Variants in SLC7A5 observed in about 807,000 individuals in gnomAD.
SLC7A5 encodes the protein solute carrier family 7 member 5.
In SLC7A5, 23 loss-of-function variants were observed where a neutral mutation model predicts 50.2. The ratio of observed to expected loss-of-function variants is 0.46; its 90% CI spans 0.33 to 0.65. The LOEUF (loss-of-function observed/expected upper bound fraction) is 0.65. Among genes scored for constraint, SLC7A5 ranks in the 30% least tolerant of loss-of-function variants. The pLI, the probability that SLC7A5 is intolerant of heterozygous loss-of-function variation, is 0.02. For synonymous variants in SLC7A5, 393 were observed against 330.6 expected, an observed-to-expected ratio of 1.19 and a Z score of -2.05; for missense variants, 578 against 684.4, an observed-to-expected ratio of 0.84 and a Z score of 1.73.
chr16:87,837,597 G>C, intron 7 of SLC7A5: 1 of 511,622 alleles, frequency 2.0e-6, no homozygotes, highest in African/African-American at 1.9e-5. Flanking sequence ...AGCACCCCGG[G>C]TCAGCTTCTG....
intron 7 of SLC7A5, 95 bp from the exon 8 acceptor site, chr16:87,836,742 C>A (rs2055009302): frequency 1.5e-6 from 2 of 1,328,176 alleles, no homozygotes; most frequent in African/African-American, 2.9e-5. Flanking sequence ...CCTGGCTGGG[C>A]CCAGCTGAGC....
Position 87,830,869 on chromosome 16 carries a change from G to C in SLC7A5, c.*2101C>G, listed in dbSNP as rs1060266. ...CCCTGTATCCTTGAGGCATGTCCAC[G>C]TCCCAGAGCAGGAGGTTGGAACAGA... is the stretch of plus-strand genomic sequence containing the variant. On this transcript the variant is annotated 3_prime_UTR_variant, in exon 10 of 10. Coordinates refer to ENST00000261622, the MANE Select transcript of SLC7A5 (RefSeq NM_003486.7). 49,418 of 152,188 alleles carry C rather than the reference G, an allele frequency of 0.32. 8,336 individuals are homozygous for C. Among genetic ancestry groups the C allele is most frequent in the East Asian group, 0.51 (2,631 of 5,180 alleles). The allele number at this position is 152,188 out of a possible 1,614,324, so 9.4% of individuals were successfully genotyped here.
intron 3 of SLC7A5, 58 bp downstream of exon 3, chr16:87,840,992 G>A (rs2055076254): frequency 1.6e-6 from 2 of 1,215,584 alleles, no homozygotes; most frequent in African/African-American, 1.5e-5. Flanking sequence ...TGGGATTCCT[G>A]GACACGTCAG....
rs576957313 is a variant in SLC7A5, at chr16:87,860,920, C to G, written c.538+7965G>C. 9.2e-4 allele frequency among the ~76,000 whole-genome samples: 140 copies of G among 152,310 alleles called. No individual in the cohort carries two copies. The highest frequency in any genetic ancestry group is 3.4e-3 in the Middle Eastern group (1 of 294). On this transcript the variant is annotated intron_variant, in intron 1 of 9. Coordinates refer to ENST00000261622, the MANE Select transcript of SLC7A5 (RefSeq NM_003486.7). This position sits in a 1 kb window ranked among gnomAD's most constrained non-coding sequence, Gnocchi z 4.8. ...TGCAGGGAGAGACGCCTCCCACACT[C>G]CCGGAGGCACGCACGTGCTGTGGCC...
In SLC7A5 at chr16:87,833,135, C is replaced by T. The variant is rs1255088424; in HGVS notation, c.1469-110G>A. On this transcript the variant is annotated intron_variant, in intron 9 of 9. Transcript: ENST00000261622. The surrounding 1 kb of genome is among the most constrained non-coding windows in gnomAD (Gnocchi z 6.0). ...GCCCTGCTGTCACCAAACCCAGCGC[C>T]GCTGCCCAGCGCTGGGATTTTAAGG... is the stretch of plus-strand genomic sequence containing the variant. 8.1e-6 allele frequency: 7 copies of T among 864,078 alleles called. No individual in the cohort carries two copies. Among genetic ancestry groups the T allele is most frequent in the South Asian group, 2.6e-5 (2 of 75,484 alleles). The allele number at this position is 864,078 out of a possible 1,614,324, so 53.5% of individuals were successfully genotyped here.
At position 87,852,386 on chromosome 16, in the gene SLC7A5, C is replaced by G. The variant is rs1240807146; in HGVS notation, c.539-537G>C. Among the ~76,000 whole-genome samples the G allele has an allele frequency of 1.3e-5, 2 of 152,188 alleles. No individual in the cohort carries two copies. The highest frequency in any genetic ancestry group is 6.5e-5 in the Admixed American group (1 of 15,280). On this transcript the variant is annotated intron_variant, in intron 1 of 9. Coordinates refer to ENST00000261622, the MANE Select transcript of SLC7A5 (RefSeq NM_003486.7). The surrounding 1 kb of genome is among the most constrained non-coding windows in gnomAD (Gnocchi z 4.5). ...TTCCCGGAACTACCTGGCCAGTCACCTGGGGACGGCAGCCTGGGAGGGGCC... is the reference window on the plus strand; with the variant it reads ...TTCCCGGAACTACCTGGCCAGTCACGTGGGGACGGCAGCCTGGGAGGGGCC...
At chr16:87,858,263 G>A (rs559529270) in intron 1 of SLC7A5, among the ~76,000 whole-genome samples, 4 of 152,110 alleles carry the variant, frequency 2.6e-5, no homozygotes, top group Non-Finnish European at 4.4e-5. Context: ...GAAATACCTC[G>A]CGGACGTGTC....
rs141945588 is a variant in SLC7A5, at chr16:87,833,940, G to C, written c.1468+474C>G. Among the ~76,000 whole-genome samples, 1 of 150,812 alleles carries C rather than the reference G, an allele frequency of 6.6e-6. No homozygotes were observed. The highest frequency in any genetic ancestry group is 1.5e-5 in the Non-Finnish European group (1 of 67,838). On this transcript the variant is annotated intron_variant, in intron 9 of 9. Coordinates refer to ENST00000261622, the MANE Select transcript of SLC7A5 (RefSeq NM_003486.7). This position sits in a 1 kb window ranked among gnomAD's most constrained non-coding sequence, Gnocchi z 6.0. ...GCGATCTCGGCTCACTGCAACCTCC[G>C]TCTCCCGGGTTCAAGTGATTCTCCT...
chr16:87,838,544 C>T (rs553980872), intron 6 of SLC7A5, among the ~76,000 whole-genome samples, 170 bp downstream of exon 6: 54 of 152,324 alleles, frequency 3.5e-4, no homozygotes, highest in African/African-American at 1.3e-3. Flanking sequence ...CTGCTCACCT[C>T]GGCCTCCTAA....
intron 1 of SLC7A5, among the ~76,000 whole-genome samples, chr16:87,856,849 G>T (rs4843721): frequency 0.15 from 23,455 of 152,124 alleles, 2,676 homozygotes; most frequent in African/African-American, 0.32. Context: ...AAGCAGTGGT[G>T]GGGGAGGCGG....
chr16:87,837,819 G>A (rs774670259), intron 7 of SLC7A5, 26 bp downstream of exon 7: 2 of 1,573,460 alleles, frequency 1.3e-6, no homozygotes, highest in Middle Eastern at 1.7e-4. Flanking sequence ...AGGGATGTAG[G>A]GCACAGGGCC....
At chr16:87,849,806 T>C (rs1293432237) in intron 2 of SLC7A5, among the ~76,000 whole-genome samples, 1 of 152,034 alleles carries the variant, frequency 6.6e-6, no homozygotes, top group African/African-American at 2.4e-5. Context: ...GTGGCTCTGG[T>C]ACCCCGGGCG....
chr16:87,865,479 C>T (rs1427934222), intron 1 of SLC7A5, among the ~76,000 whole-genome samples: 5 of 152,018 alleles, frequency 3.3e-5, no homozygotes, highest in African/African-American at 4.8e-5. Context: ...GAGGCAGAGG[C>T]GGGTGGATCA....
rs5818649 is a variant in SLC7A5 at position 87,833,857 on chromosome 16, C to CTT, written c.1468+555_1468+556dup. Among the ~76,000 whole-genome samples the CTT allele has an allele frequency of 9.9e-5, 14 of 141,588 alleles. No individual in the cohort carries two copies. Among genetic ancestry groups the CTT allele is most frequent in the Admixed American group, 2.1e-4 (3 of 14,328 alleles). 92.9% of individuals were successfully genotyped at this position (141,588 alleles called of 152,430 possible). A position where few individuals can be genotyped will look rare whatever the true frequency, so the allele number is the denominator to read the frequency against. ...CCGGGGGGCGGGTTTCTCCTTCTGCCTTTTTTTTTTTTTTTGAGAAGAGTC... is the reference window on the plus strand; with the variant it reads ...CCGGGGGGCGGGTTTCTCCTTCTGCCTTTTTTTTTTTTTTTTTGAGAAGAGTC... On this transcript the variant is annotated intron_variant, in intron 9 of 9. Coordinates refer to ENST00000261622, the MANE Select transcript of SLC7A5 (RefSeq NM_003486.7). This position sits in a 1 kb window ranked among gnomAD's most constrained non-coding sequence, Gnocchi z 6.0.
At position 87,843,214 on chromosome 16, in the gene SLC7A5, A is replaced by G. The variant is rs376394794; in HGVS notation, c.665-2059T>C. 2.9e-4 allele frequency among the ~76,000 whole-genome samples: 44 copies of G among 152,264 alleles called. No homozygotes were observed. The East Asian group carries it at 5.4e-3, about 19-fold the overall frequency. ...ACATCAATCCTCATAGCTGACCTCCAGCCTCATGACAGAAAGGCGGCTGAT... is the reference window on the plus strand; with the variant it reads ...ACATCAATCCTCATAGCTGACCTCCGGCCTCATGACAGAAAGGCGGCTGAT... On this transcript the variant is annotated intron_variant, in intron 2 of 9. Transcript: ENST00000261622.
At position 87,841,204 on chromosome 16, in the gene SLC7A5, G is replaced by A; in HGVS notation, c.665-49C>T. The A allele has an allele frequency of 2.4e-6, 3 of 1,225,736 alleles. No homozygotes were observed. The highest frequency in any genetic ancestry group is 2.3e-5 in the East Asian group (1 of 42,992). The allele number at this position is 1,225,736 out of a possible 1,614,324, so 75.9% of individuals were successfully genotyped here. A position where few individuals can be genotyped will look rare whatever the true frequency, so the allele number is the denominator to read the frequency against. On this transcript the variant is annotated intron_variant, in intron 2 of 9. Transcript: ENST00000261622. The surrounding 1 kb of genome is among the most constrained non-coding windows in gnomAD (Gnocchi z 4.8). ...GCTGGGTTAGAGAGCGCTGAACAGA[G>A]GTCATGCTACCAGTTCTAGAATGTT...
chr16:87,839,215 C>T (rs1453721738), intron 5 of SLC7A5, among the ~76,000 whole-genome samples: 1 of 152,228 alleles, frequency 6.6e-6, no homozygotes, highest in African/African-American at 2.4e-5. Context: ...CCTGTTCCCC[C>T]AGCCCTGGGA....
At position 87,860,035 on chromosome 16, in the gene SLC7A5, G is replaced by T. The variant is rs1422454433; in HGVS notation, c.539-8186C>A. Among the ~76,000 whole-genome samples the T allele has an allele frequency of 1.3e-5, 2 of 151,116 alleles. No homozygotes were observed. Among genetic ancestry groups the T allele is most frequent in the South Asian group, 2.1e-4 (1 of 4,768 alleles). The stretch of plus-strand genomic sequence containing the variant: ...GCTAATAACTCTTTCAACCAATTGT[G>T]AATCAGAAAATCTTTTGCCAGGCAC... On this transcript the variant is annotated intron_variant, in intron 1 of 9. Coordinates refer to ENST00000261622, the MANE Select transcript of SLC7A5 (RefSeq NM_003486.7). The surrounding 1 kb of genome is among the most constrained non-coding windows in gnomAD (Gnocchi z 4.8).
At chr16:87,855,050 C>T (rs1253904358) in intron 1 of SLC7A5, among the ~76,000 whole-genome samples, 2 of 152,260 alleles carry the variant, frequency 1.3e-5, no homozygotes, top group Non-Finnish European at 2.9e-5. Context: ...GGACACCTGT[C>T]ACAGTGAGGC....
Sources: allele counts gnomAD v4.1 joint callset (sites outside exome capture counted in the v4.1 genomes callset), GRCh38; gene constraint gnomAD v4.1.1; non-coding constraint Gnocchi (gnomAD v3.1); transcripts MANE v1.5; gene names NCBI Gene and HGNC (gene_info 2026-07-23, HGNC 2026-07-21).